The following PRELID2 variants were observed in gnomAD, a reference collection of about 807,000 sequenced individuals.
PRELID2 encodes PRELI domain-containing protein 2.
In PRELID2, 25 loss-of-function variants were observed where a neutral mutation model predicts 28.4. The ratio of observed to expected loss-of-function variants is 0.88; its 90% confidence interval spans 0.64 to 1.23. The LOEUF is 1.23. Ranked by LOEUF, PRELID2 falls within the 50% of genes most tolerant of loss-of-function variation. The pLI is 0.00. For synonymous variants in PRELID2, 76 were observed against 71.6 expected, an observed-to-expected ratio of 1.06 and a Z score of -0.31; for missense variants, 201 against 214.4, an observed-to-expected ratio of 0.94 and a Z score of 0.39.
intron 1 of PRELID2, among the ~76,000 whole-genome samples, chr5:145,588,543 T>C (rs1017756654): frequency 1.3e-5 from 2 of 152,176 alleles, no homozygotes; most frequent in African/African-American, 4.8e-5. Flanking sequence ...TAGAAGACTA[T>C]TGTCCCAAAT....
the PRELID2 span, among the ~76,000 whole-genome samples, chr5:145,265,340 C>T: frequency 6.6e-6 from 1 of 152,086 alleles, no homozygotes; most frequent in African/African-American, 2.4e-5. Flanking sequence ...AATACAAACC[C>T]ATCTCATGCT....
At chr5:145,448,949 C>T in the PRELID2 span, among the ~76,000 whole-genome samples, 12 of 152,102 alleles carry the variant, frequency 7.9e-5, no homozygotes, top group African/African-American at 2.9e-4. Flanking sequence ...AACTCAAACT[C>T]ACTTAAATAG....
At chr5:145,300,398 C>A in the PRELID2 span, among the ~76,000 whole-genome samples, 1 of 151,906 alleles carries the variant, frequency 6.6e-6, no homozygotes, top group African/African-American at 2.4e-5. Flanking sequence ...TGTTTCTAAA[C>A]CTTTTTAGTA....
chr5:145,394,900 G>A, the PRELID2 span, among the ~76,000 whole-genome samples: 5 of 152,040 alleles, frequency 3.3e-5, no homozygotes, highest in African/African-American at 1.2e-4. Context: ...TCAAGATGTA[G>A]AGAACACTTA....
At chr5:145,803,373 A>G (rs142110358) in intron 4 of PRELID2, among the ~76,000 whole-genome samples, 1 of 149,652 alleles carries the variant, frequency 6.7e-6, no homozygotes, top group Non-Finnish European at 1.5e-5. Context: ...TTCAGCCTTA[A>G]CATGAACATG....
intron 1 of PRELID2, among the ~76,000 whole-genome samples, chr5:145,501,248 T>C (rs1002795899): frequency 6.6e-6 from 1 of 152,160 alleles, no homozygotes; most frequent in Non-Finnish European, 1.5e-5. Flanking sequence ...TACTGTCCTA[T>C]AAAACCCAGA....
At chr5:145,612,089 A>G (rs1753625336) in intron 1 of PRELID2, among the ~76,000 whole-genome samples, 1 of 152,196 alleles carries the variant, frequency 6.6e-6, no homozygotes, top group Non-Finnish European at 1.5e-5. Flanking sequence ...ATCCATATGT[A>G]AAAAAATTTG....
chr5:145,358,649 G>T, the PRELID2 span, among the ~76,000 whole-genome samples: 2 of 152,160 alleles, frequency 1.3e-5, no homozygotes, highest in Non-Finnish European at 2.9e-5. Flanking sequence ...TCTCTTTAAT[G>T]TAATGGAATT....
At chr5:145,713,048 C>A (rs1243963512) in intron 1 of PRELID2, among the ~76,000 whole-genome samples, 1 of 151,670 alleles carries the variant, frequency 6.6e-6, no homozygotes, top group Non-Finnish European at 1.5e-5. Context: ...AGAAGAACAA[C>A]ATAGAACTGC....
At chr5:145,654,178 AC>A (rs577615577) in intron 1 of PRELID2, among the ~76,000 whole-genome samples, 138 of 152,256 alleles carry the variant, frequency 9.1e-4, no homozygotes, top group Non-Finnish European at 1.6e-3. Flanking sequence ...GGACACATAC[AC>A]CCTCCCAAGA....
At chr5:145,621,009 ACTAACTGC>A (rs1753766935) in intron 1 of PRELID2, among the ~76,000 whole-genome samples, 3 of 152,184 alleles carry the variant, frequency 2.0e-5, no homozygotes, top group Admixed American at 1.3e-4. Context: ...TACCAGAAAA[ACTAACTGC>A]CAAAAATAAA....
the PRELID2 span, among the ~76,000 whole-genome samples, chr5:145,454,278 C>T: frequency 6.6e-6 from 1 of 152,176 alleles, no homozygotes; most frequent in African/African-American, 2.4e-5. Context: ...TGGGATGTAT[C>T]TCAAAATAAT....
Position 145,637,810 on chromosome 5 carries a change from C to CTT in PRELID2, n.70+127119_70+127120dup, listed in dbSNP as rs547110066. On this transcript the variant is annotated intron_variant and non_coding_transcript_variant, in intron 1 of 2. Coordinates refer to the PRELID2 transcript ENST00000510259. Reference sequence around the variant, plus strand: ...ACAGTGATACAAACACAAAACCATTCTTTTTTTTTTTTTTTTTTGAGATGG... The same window carrying CTT: ...ACAGTGATACAAACACAAAACCATTCTTTTTTTTTTTTTTTTTTTTGAGATGG... Among the ~76,000 whole-genome samples, 1,189 of 130,704 alleles carry CTT rather than the reference C, an allele frequency of 9.1e-3. 40 individuals carry two copies. The highest frequency in any genetic ancestry group is 0.032 in the African/African-American group (1,108 of 34,200). The allele number at this position is 130,704 out of a possible 152,430, so 85.7% of individuals were successfully genotyped here. A position where few individuals can be genotyped will look rare whatever the true frequency, so the allele number is the denominator to read the frequency against.
chr5:145,259,592 G>T, the PRELID2 span, among the ~76,000 whole-genome samples: 1 of 152,306 alleles, frequency 6.6e-6, no homozygotes, highest in African/African-American at 2.4e-5. Flanking sequence ...GGAACATGTA[G>T]CCCCTTTCTT....
At chr5:145,463,424 G>A in the PRELID2 span, among the ~76,000 whole-genome samples, 282 of 150,580 alleles carry the variant, frequency 1.9e-3, no homozygotes, top group South Asian at 2.7e-3. Flanking sequence ...CCATGTGATG[G>A]GAGAAGTTCT....
chr5:145,356,086 C>T, the PRELID2 span, among the ~76,000 whole-genome samples: 1 of 152,116 alleles, frequency 6.6e-6, no homozygotes. Context: ...CAACAAACAG[C>T]ACCACTAAGT....
chr5:145,442,407 C>T, the PRELID2 span, among the ~76,000 whole-genome samples: 1 of 151,994 alleles, frequency 6.6e-6, no homozygotes, highest in Non-Finnish European at 1.5e-5. Flanking sequence ...CATTACAATT[C>T]TGCATCACCC....
At chr5:145,543,913 C>G (rs1752765110) in intron 1 of PRELID2, among the ~76,000 whole-genome samples, 1 of 151,940 alleles carries the variant, frequency 6.6e-6, no homozygotes, top group African/African-American at 2.4e-5. Context: ...GTCAACTTTT[C>G]TTTCTGAGAA....
At chr5:145,527,929 C>G (rs1752623077) in intron 1 of PRELID2, among the ~76,000 whole-genome samples, 1 of 152,120 alleles carries the variant, frequency 6.6e-6, no homozygotes, top group African/African-American at 2.4e-5. Context: ...CCAATCTCTC[C>G]AGCTTCTTCT....
Sources: gnomAD v4.1 joint callset for allele counts (sites outside exome capture counted in the v4.1 genomes callset) on GRCh38, gnomAD v4.1.1 for gene constraint, MANE v1.5 for transcripts, NCBI Gene and HGNC (gene_info 2026-07-23, HGNC 2026-07-21) for gene names.